ARFGEF3: variants seen among roughly 807,000 people sequenced by gnomAD.
The protein encoded by ARFGEF3 is brefeldin A-inhibited guanine nucleotide-exchange protein 3.
ARFGEF3 carries 96 observed loss-of-function variants against 221.7 expected under a neutral mutation model. The ratio of observed to expected loss-of-function variants is 0.43; its 90% CI spans 0.37 to 0.51. ARFGEF3 has a LOEUF of 0.51. ARFGEF3 is among the 20% of genes least tolerant of loss of function. The pLI is 0.00. For missense variants in ARFGEF3, 2,410 were observed against 2,789.9 expected, an observed-to-expected ratio of 0.86 and a Z score of 3.07; for synonymous variants, 1,145 against 1,126.8, an observed-to-expected ratio of 1.02 and a Z score of -0.32.
At chr6:138,284,303 TCAAAAACAAACAAA>T (rs1197411027) in intron 14 of ARFGEF3, among the ~76,000 whole-genome samples, 6 of 152,094 alleles carry the variant, frequency 3.9e-5, no homozygotes, top group Admixed American at 3.3e-4. Flanking sequence ...AGACCCCGTC[TCAAAAACAAACAAA>T]CAAAAACAAA....
intron 23 of ARFGEF3, among the ~76,000 whole-genome samples, chr6:138,308,339 AG>A (rs1323829747): frequency 1.3e-5 from 2 of 152,226 alleles, no homozygotes; most frequent in African/African-American, 4.8e-5. Flanking sequence ...AAGTGGTCTC[AG>A]GCCTTCTGTG....
intron 5 of ARFGEF3, among the ~76,000 whole-genome samples, chr6:138,238,265 A>G (rs1380961377): frequency 2.0e-5 from 3 of 152,182 alleles, no homozygotes; most frequent in East Asian, 1.9e-4. Flanking sequence ...GCGTTCCCCT[A>G]TGATGCTCAG....
intron 31 of ARFGEF3, among the ~76,000 whole-genome samples, chr6:138,327,040 G>A (rs1780138469): frequency 1.3e-5 from 2 of 152,144 alleles, no homozygotes. Flanking sequence ...TTATAAGTGG[G>A]AGCTGATTGA....
chr6:138,235,695 A>G lies in ARFGEF3; in HGVS notation c.421-2814A>G, dbSNP rs569719754. 6.4e-4 allele frequency among the ~76,000 whole-genome samples: 97 copies of G among 152,362 alleles called. 1 individual carries two copies. Among genetic ancestry groups the G allele is most frequent in the South Asian group, 2.9e-3 (14 of 4,830 alleles). On this transcript the variant is annotated intron_variant, in intron 5 of 33. Coordinates refer to ENST00000251691, the MANE Select transcript of ARFGEF3 (RefSeq NM_020340.5). Reference sequence around the variant, plus strand: ...TTCTATGAATCTTACTAGTTTACCAATATATTATTACAGGAAGTGTAAGAA... The same window carrying G: ...TTCTATGAATCTTACTAGTTTACCAGTATATTATTACAGGAAGTGTAAGAA...
chr6:138,283,298 A>G (rs1233709804), intron 14 of ARFGEF3, among the ~76,000 whole-genome samples: 1 of 152,216 alleles, frequency 6.6e-6, no homozygotes, highest in Non-Finnish European at 1.5e-5. Context: ...GGACCTTAAT[A>G]AAAGGAGTCA....
intron 33 of ARFGEF3, among the ~76,000 whole-genome samples, chr6:138,335,904 C>A (rs986124018): frequency 3.9e-5 from 6 of 152,150 alleles, no homozygotes; most frequent in African/African-American, 1.2e-4. Context: ...CATAAAAATT[C>A]TCATTCTTCA....
chr6:138,200,308 G>A (rs187771328), intron 2 of ARFGEF3, among the ~76,000 whole-genome samples: 1 of 151,786 alleles, frequency 6.6e-6, no homozygotes, highest in East Asian at 1.9e-4. Context: ...ATTCTTCACA[G>A]AGTTACAAGA....
intron 32 of ARFGEF3, 120 bp from the exon 33 acceptor site, chr6:138,333,850 G>A: frequency 4.6e-6 from 5 of 1,094,290 alleles, no homozygotes; most frequent in Non-Finnish European, 6.4e-6. Context: ...CATTTGAGTA[G>A]AGGTAGTTTA....
chr6:138,174,727 G>A (rs527323426), intron 2 of ARFGEF3, among the ~76,000 whole-genome samples: 2 of 152,138 alleles, frequency 1.3e-5, no homozygotes, highest in Admixed American at 6.5e-5. Flanking sequence ...TTTGGAAAGG[G>A]CTACAGGGAT....
intron 1 of ARFGEF3, among the ~76,000 whole-genome samples, chr6:138,169,127 C>T (rs1382009834): frequency 6.6e-6 from 1 of 152,176 alleles, no homozygotes; most frequent in Non-Finnish European, 1.5e-5. Context: ...GTGACCTGCC[C>T]CCATCCCACA....
intron 13 of ARFGEF3, 79 bp downstream of exon 13, chr6:138,278,696 A>G: frequency 2.0e-6 from 3 of 1,480,358 alleles, no homozygotes; most frequent in Non-Finnish European, 2.8e-6. Context: ...CAGTGCCCTG[A>G]GTGGGATGGC....
chr6:138,193,991 G>A (rs1292673308), intron 2 of ARFGEF3, among the ~76,000 whole-genome samples: 2 of 152,052 alleles, frequency 1.3e-5, no homozygotes, highest in Admixed American at 1.3e-4. Flanking sequence ...AAAGACGATG[G>A]AGCCGGACGC....
intron 7 of ARFGEF3, among the ~76,000 whole-genome samples, chr6:138,243,709 G>A (rs1161800476): frequency 7.1e-6 from 1 of 139,924 alleles, no homozygotes; most frequent in Non-Finnish European, 1.5e-5. Context: ...AGATGGAGGT[G>A]AGGAGGAGGG....
chr6:138,213,771 G>C (rs2114503997), intron 4 of ARFGEF3, among the ~76,000 whole-genome samples: 1 of 152,184 alleles, frequency 6.6e-6, no homozygotes, highest in East Asian at 1.9e-4. Context: ...AAATATTTCA[G>C]TTCACAACAA....
Position 138,336,505 on chromosome 6 carries a change from TC to T in ARFGEF3, c.*22del. 1 of 1,581,422 alleles carries T rather than the reference TC, an allele frequency of 6.3e-7. No homozygotes were observed. The highest frequency in any genetic ancestry group is 1.8e-5 in the Admixed American group (1 of 56,748). On this transcript the variant is annotated 3_prime_UTR_variant, in exon 34 of 34. Transcript: ENST00000251691. ...TGTGTAGCCGACTCCTGTTCTACTC[TC>T]CCACCAAATAACAGTAGTGAGGGTT...
chr6:138,303,812 A>C (rs1779666559), intron 22 of ARFGEF3, among the ~76,000 whole-genome samples: 1 of 143,266 alleles, frequency 7.0e-6, no homozygotes, highest in Non-Finnish European at 1.5e-5. Context: ...CAGTGAGCCA[A>C]GATCGTGCCA....
chr6:138,309,291 A>T (rs970668505), intron 24 of ARFGEF3, among the ~76,000 whole-genome samples: 1 of 152,184 alleles, frequency 6.6e-6, no homozygotes, highest in African/African-American at 2.4e-5. Context: ...AACCTGTGCT[A>T]TATAAAAATC....
At chr6:138,279,706 A>G (rs1319034650) in intron 13 of ARFGEF3, among the ~76,000 whole-genome samples, 1 of 152,232 alleles carries the variant, frequency 6.6e-6, no homozygotes, top group Non-Finnish European at 1.5e-5. Context: ...GTACGCTATT[A>G]AAGACATCTG....
At chr6:138,218,914 G>A (rs745562237) in intron 4 of ARFGEF3, among the ~76,000 whole-genome samples, 2 of 151,976 alleles carry the variant, frequency 1.3e-5, no homozygotes, top group African/African-American at 4.8e-5. Flanking sequence ...AAAATAAGTC[G>A]TGGAACTTTT....
Sources: gnomAD v4.1 joint callset for allele counts (sites outside exome capture counted in the v4.1 genomes callset) on GRCh38, gnomAD v4.1.1 for gene constraint, MANE v1.5 for transcripts, NCBI Gene and HGNC (gene_info 2026-07-23, HGNC 2026-07-21) for gene names.